The following LIPI variants were observed in gnomAD, a reference collection of about 807,000 sequenced individuals.
LIPI encodes the protein lipase I.
Under a neutral mutation model 50.6 loss-of-function variants are expected in LIPI, and 59 were observed. The ratio of observed to expected loss-of-function variants is 1.16; its 90% CI spans 0.94 to 1.45. The LOEUF (loss-of-function observed/expected upper bound fraction) is 1.45, where lower values mean the gene tolerates loss of function less well. LIPI is among the 40% of genes most tolerant of loss of function. The probability of loss-of-function intolerance (pLI) is 0.00; values close to 1 mark genes in which losing one functional copy is unlikely to be tolerated. For synonymous variants in LIPI, 203 were observed against 178.2 expected, an observed-to-expected ratio of 1.14 and a Z score of -1.11; for missense variants, 586 against 536.3, an observed-to-expected ratio of 1.09 and a Z score of -0.92.
chr21:14,184,247 G>A (rs948327833), intron 3 of LIPI, among the ~76,000 whole-genome samples: 2 of 151,878 alleles, frequency 1.3e-5, no homozygotes, highest in Admixed American at 6.6e-5. Context: ...AACACCGCAT[G>A]TTCTCACTCA....
chr21:14,112,349 G>A (rs1304782196), intron 9 of LIPI, among the ~76,000 whole-genome samples: 1 of 151,824 alleles, frequency 6.6e-6, no homozygotes, highest in Non-Finnish European at 1.5e-5. Context: ...CAAATTTTAA[G>A]GTTTTTTTTC....
Position 14,108,824 on chromosome 21 carries a change from T to A in LIPI, c.*169A>T. Reference sequence around the variant, plus strand: ...ACTTTCAGAATATATTTGGAATGTTTAACTGTATGCATTTTTTATTTTCTT... The same window carrying A: ...ACTTTCAGAATATATTTGGAATGTTAAACTGTATGCATTTTTTATTTTCTT... On this transcript the variant is annotated 3_prime_UTR_variant, in exon 10 of 10. Coordinates refer to ENST00000681601, the MANE Select transcript of LIPI (RefSeq NM_001302998.2). 1.4e-6 allele frequency: 1 copy of A among 695,730 alleles called. No homozygotes were observed. Among genetic ancestry groups the A allele is most frequent in the Non-Finnish European group, 2.4e-6 (1 of 422,318 alleles). 43.1% of individuals were successfully genotyped at this position (695,730 alleles called of 1,614,324 possible). A position where few individuals can be genotyped will look rare whatever the true frequency, so the allele number is the denominator to read the frequency against.
intron 9 of LIPI, among the ~76,000 whole-genome samples, chr21:14,121,842 A>G (rs1273841824): frequency 6.6e-6 from 1 of 152,120 alleles, no homozygotes; most frequent in Non-Finnish European, 1.5e-5. Flanking sequence ...CAGCAGAAAA[A>G]GATGACTGCC....
At chr21:14,114,549 C>G (rs1327568619) in intron 9 of LIPI, among the ~76,000 whole-genome samples, 1 of 152,202 alleles carries the variant, frequency 6.6e-6, no homozygotes, top group Non-Finnish European at 1.5e-5. Flanking sequence ...GGAAGCCACT[C>G]CAGCAGCTGC....
rs1356070982 is a variant in LIPI at position 14,178,529 on chromosome 21, A to G, written c.643+3229T>C. 3.3e-5 allele frequency among the ~76,000 whole-genome samples: 5 copies of G among 152,180 alleles called. 1 individual carries two copies. Among genetic ancestry groups the G allele is most frequent in the Admixed American group, 3.3e-4 (5 of 15,270 alleles). On this transcript the variant is annotated intron_variant, in intron 4 of 9. Transcript: ENST00000681601. ...AATTATTTTACTTTTTAGGGTAAGA[A>G]CTTTCATTATTTTTGTCAAATATAA... is the stretch of plus-strand genomic sequence containing the variant.
At chr21:14,121,588 C>A (rs1175416006) in intron 9 of LIPI, among the ~76,000 whole-genome samples, 2 of 152,184 alleles carry the variant, frequency 1.3e-5, no homozygotes, top group Non-Finnish European at 2.9e-5. Context: ...CTTACAGATG[C>A]AATACATCCC....
chr21:14,135,014 G>A (rs546608015), intron 9 of LIPI, among the ~76,000 whole-genome samples: 97 of 152,142 alleles, frequency 6.4e-4, no homozygotes, highest in African/African-American at 2.3e-3. Context: ...TACAGGATGG[G>A]AAAAAAATTA....
rs1156675063 is a variant in LIPI at position 14,163,486 on chromosome 21, T to G, written c.939A>C (p.Glu313Asp). Residue 313 changes from glutamate (E) to aspartate (D), a missense_variant, in exon 7 of 10, where the codon GAA (glutamate) becomes GAC (aspartate). Glu to Asp is a conservative substitution (Grantham distance 45). Coordinates refer to ENST00000681601, the MANE Select transcript of LIPI (RefSeq NM_001302998.2). ...TCCTAAGAGGTCTTCCTTCCATCCT[T>G]TCTTTTAAAACACCTTTAAATAGCT... ...QAKLFKGVLK[E>D]RMEGRPLRTT... 6.3e-7 allele frequency: 1 copy of G among 1,590,002 alleles called. No homozygotes were observed. Among genetic ancestry groups the G allele is most frequent in the Non-Finnish European group, 8.6e-7 (1 of 1,158,284 alleles).
At chr21:14,167,501 C>T (rs1600888308) in intron 4 of LIPI, among the ~76,000 whole-genome samples, 1 of 152,156 alleles carries the variant, frequency 6.6e-6, no homozygotes, top group East Asian at 1.9e-4. Flanking sequence ...CAGCCGGGTA[C>T]TCCTCTGAGA....
rs371081707 is a variant in LIPI, at chr21:14,203,856, G to GAA, written c.46+6943_46+6944insTT. 3.3e-5 allele frequency among the ~76,000 whole-genome samples: 5 copies of GAA among 151,158 alleles called. No individual in the cohort carries two copies. The South Asian group carries it at 6.2e-4, about 19-fold the overall frequency. On this transcript the variant is annotated intron_variant, in intron 1 of 9. Transcript: ENST00000681601. ...CCTAAAACTTAAAATATAATAAAAAGAGAAAGAAAGAAAATGTGGTACATA... is the reference window on the plus strand; with the variant it reads ...CCTAAAACTTAAAATATAATAAAAAGAAAGAAAGAAAGAAAATGTGGTACATA...
chr21:14,196,983 A>G (rs2019885340), intron 1 of LIPI, among the ~76,000 whole-genome samples: 1 of 151,892 alleles, frequency 6.6e-6, no homozygotes. Context: ...ATAATTCTTA[A>G]AACCTGGAAT....
intron 7 of LIPI, among the ~76,000 whole-genome samples, chr21:14,156,560 G>A (rs1355085451): frequency 6.6e-6 from 1 of 151,792 alleles, no homozygotes; most frequent in African/African-American, 2.4e-5. Flanking sequence ...CTGGACTACC[G>A]AACTTTAAGA....
intron 9 of LIPI, among the ~76,000 whole-genome samples, chr21:14,135,653 A>C (rs186496139): frequency 2.2e-3 from 328 of 152,300 alleles, no homozygotes; most frequent in Non-Finnish European, 3.6e-3. Context: ...AGTAGCCTAA[A>C]CTTTAGTGTC....
intron 9 of LIPI, among the ~76,000 whole-genome samples, chr21:14,112,658 A>G (rs547696847): frequency 1.1e-4 from 17 of 152,196 alleles, no homozygotes; most frequent in African/African-American, 4.1e-4. Context: ...TTTCAAAGCT[A>G]TCTTTGAGAA....
In LIPI at chr21:14,189,134, A is replaced by G; in HGVS notation, c.332T>C (p.Val111Ala). Residue 111 changes from valine to alanine, a missense_variant, in exon 2 of 10, where the codon GTA becomes GCA. Val to Ala is a moderately conservative substitution (Grantham distance 64). Coordinates refer to ENST00000681601, the MANE Select transcript of LIPI (RefSeq NM_001302998.2). The stretch of plus-strand genomic sequence containing the variant: ...AGTTGTAGCACCCCGGCTCCAGTCT[A>G]CTACAATTACATTCATATCTTCTTC... The part of the protein sequence containing the change: ...LNEEDMNVIV[V>A]DWSRGATTFI... 1.2e-6 allele frequency: 2 copies of G among 1,613,970 alleles called. No homozygotes were observed. Among genetic ancestry groups the G allele is most frequent in the South Asian group, 1.1e-5 (1 of 91,088 alleles).
At chr21:14,161,622 A>ATTATATTAATATATAATATATACATTATT (rs1568858276) in intron 7 of LIPI, among the ~76,000 whole-genome samples, 1 of 95,560 alleles carries the variant, frequency 1.0e-5, no homozygotes, top group African/African-American at 4.9e-5. Context: ...ATACATATAT[A>ATTATATTAATATATAATATATACATTATT]ATATATTAAT....
At position 14,130,285 on chromosome 21, in the gene LIPI, A is replaced by G. The variant is rs1012834333; in HGVS notation, c.1295+14338T>C. On this transcript the variant is annotated intron_variant, in intron 9 of 9. Coordinates refer to ENST00000681601, the MANE Select transcript of LIPI (RefSeq NM_001302998.2). ...AACCCTGGATGCGGAAGTTGCAGTG[A>G]GCCGAGATTGTGCTATTGCACTCCA... is the stretch of plus-strand genomic sequence containing the variant. Among the ~76,000 whole-genome samples the G allele has an allele frequency of 2.0e-5, 3 of 152,132 alleles. No individual in the cohort carries two copies. The South Asian group carries it at 6.2e-4, about 31-fold the overall frequency.
At chr21:14,150,313 C>A (rs888937530) in intron 8 of LIPI, among the ~76,000 whole-genome samples, 1 of 152,210 alleles carries the variant, frequency 6.6e-6, no homozygotes, top group African/African-American at 2.4e-5. Context: ...CAAACTATAT[C>A]AGGTACTCTC....
chr21:14,202,177 A>C (rs1041147458), intron 1 of LIPI, among the ~76,000 whole-genome samples: 23 of 152,218 alleles, frequency 1.5e-4, no homozygotes, highest in Non-Finnish European at 7.3e-5. Context: ...TCAATGAAAT[A>C]AAAGAGGATA....
Sources: allele counts gnomAD v4.1 joint callset (sites outside exome capture counted in the v4.1 genomes callset), GRCh38; gene constraint gnomAD v4.1.1; transcripts MANE v1.5; gene names NCBI Gene and HGNC (gene_info 2026-07-23, HGNC 2026-07-21).